VGLL2: variants seen among roughly 807,000 people sequenced by gnomAD.
VGLL2 encodes vestigial like family member 2.
VGLL2 carries 18 observed loss-of-function variants against 27.0 expected under a neutral mutation model. The ratio of observed to expected loss-of-function variants is 0.67; its 90% CI spans 0.46 to 0.99. The LOEUF (loss-of-function observed/expected upper bound fraction) is 0.99, where lower values mean the gene tolerates loss of function less well. Ranked by LOEUF, VGLL2 falls within the 50% of genes least tolerant of loss-of-function variation. The pLI, the probability that VGLL2 is intolerant of heterozygous loss-of-function variation, is 0.00. For missense variants in VGLL2, 491 were observed against 452.3 expected, an observed-to-expected ratio of 1.09 and a Z score of -0.78; for synonymous variants, 220 against 201.1, an observed-to-expected ratio of 1.09 and a Z score of -0.80.
chr6:117,265,783 T>C lies in VGLL2; in HGVS notation c.20T>C (p.Met7Thr), dbSNP rs998059585. 6.2e-7 allele frequency: 1 copy of C among 1,614,134 alleles called. No individual in the cohort carries two copies. Among genetic ancestry groups the C allele is most frequent in the South Asian group, 1.1e-5 (1 of 91,078 alleles). Reference sequence around the variant, plus strand: ...AGAGTCATGAGCTGTCTGGATGTTATGTACCAAGTCTATGGTCCTCCGCAG... The same window carrying C: ...AGAGTCATGAGCTGTCTGGATGTTACGTACCAAGTCTATGGTCCTCCGCAG... MSCLDVMYQVYGPPQPY... is the reference protein window; with the variant it reads MSCLDVTYQVYGPPQPY... Residue 7 changes from methionine to threonine, a missense_variant, in exon 1 of 4, where the codon ATG (methionine) becomes ACG (threonine). Met to Thr is a moderately conservative substitution (Grantham distance 81, BLOSUM62 -1). Coordinates refer to ENST00000326274, the MANE Select transcript of VGLL2 (RefSeq NM_182645.3).
chr6:117,272,439 G>C lies in VGLL2; in HGVS notation c.914-15G>C. 2 of 1,614,166 alleles carry C rather than the reference G, an allele frequency of 1.2e-6. No individual in the cohort carries two copies. The highest frequency in any genetic ancestry group is 8.5e-7 in the Non-Finnish European group (1 of 1,180,022). On this transcript the variant is annotated splice_polypyrimidine_tract_variant and intron_variant, in intron 3 of 3. Transcript: ENST00000326274. ...ATGGAGTGGGTTTGTAACAGCTTCT[G>C]ATCTTGGTTTGCAGCTCGTCGTTAT... is the stretch of plus-strand genomic sequence containing the variant.
rs561667108 is a variant in VGLL2 at position 117,267,707 on chromosome 6, G to A, written c.82-475G>A. On this transcript the variant is annotated intron_variant, in intron 1 of 3. Transcript: ENST00000326274. ...TTGTAGGGGTAGGGGGTTGCCCCCCGCTCCTATTTCATCAGGAGGATGTTT... is the reference window on the plus strand; with the variant it reads ...TTGTAGGGGTAGGGGGTTGCCCCCCACTCCTATTTCATCAGGAGGATGTTT... Among the ~76,000 whole-genome samples, 41 of 152,302 alleles carry A rather than the reference G, an allele frequency of 2.7e-4. No homozygotes were observed. In the South Asian group the frequency reaches 3.1e-3, roughly 12 times the overall value.
chr6:117,265,887 C>T (rs1299975132), intron 1 of VGLL2, 43 bp downstream of exon 1: 1 of 1,575,580 alleles, frequency 6.3e-7, no homozygotes, highest in East Asian at 2.2e-5. Flanking sequence ...GTGCGCGCCC[C>T]CCGTTTGCGG....
At chr6:117,272,312 T>C in intron 3 of VGLL2, 142 bp from the exon 4 acceptor site, 3 of 1,513,380 alleles carry the variant, frequency 2.0e-6, no homozygotes, top group Non-Finnish European at 2.7e-6. Flanking sequence ...TTTTCAGGTT[T>C]GCAGCCTCAG....
intron 1 of VGLL2, 70 bp downstream of exon 1, chr6:117,265,914 C>G: frequency 3.6e-6 from 5 of 1,393,292 alleles, no homozygotes; most frequent in Non-Finnish European, 5.1e-6. Flanking sequence ...GGCCTGTACG[C>G]CAAGGTCTGC....
Position 117,272,636 on chromosome 6 carries a change from C to G in VGLL2, c.*142C>G. 8.7e-7 allele frequency: 1 copy of G among 1,151,376 alleles called. No individual in the cohort carries two copies. The highest frequency in any genetic ancestry group is 1.6e-5 in the African/African-American group (1 of 64,202). The allele number at this position is 1,151,376 out of a possible 1,614,324, so 71.3% of individuals were successfully genotyped here. On this transcript the variant is annotated 3_prime_UTR_variant, in exon 4 of 4. Coordinates refer to ENST00000326274, the MANE Select transcript of VGLL2 (RefSeq NM_182645.3). ...TCAGTGTGTTGGGAAAACCAAAAAC[C>G]ACAACTACAGAAATTCATCTAAAAA...
At position 117,272,571 on chromosome 6, in the gene VGLL2, G is replaced by T. The variant is rs1773224601; in HGVS notation, c.*77G>T. ...GCTCAGCATCTGTGCCTCTCACTCCGTGGATGAGGACATGGGGGAAGGCAG... is the reference window on the plus strand; with the variant it reads ...GCTCAGCATCTGTGCCTCTCACTCCTTGGATGAGGACATGGGGGAAGGCAG... On this transcript the variant is annotated 3_prime_UTR_variant, in exon 4 of 4. Transcript: ENST00000326274. 17 of 1,606,180 alleles carry T rather than the reference G, an allele frequency of 1.1e-5. No individual in the cohort carries two copies. The highest frequency in any genetic ancestry group is 1.4e-5 in the Non-Finnish European group (17 of 1,174,756).
chr6:117,272,313 G>A, intron 3 of VGLL2, 141 bp from the exon 4 acceptor site: 1 of 1,455,944 alleles, frequency 6.9e-7, no homozygotes. Flanking sequence ...TTTCAGGTTT[G>A]CAGCCTCAGG....
intron 2 of VGLL2, 50 bp from the exon 3 acceptor site, chr6:117,270,493 C>A (rs370056899): frequency 2.2e-5 from 33 of 1,522,704 alleles, no homozygotes; most frequent in Non-Finnish European, 2.6e-5. Context: ...GCCGCAGTGA[C>A]ACGCACCTCT....
chr6:117,271,054 C>T lies in VGLL2; in HGVS notation c.903C>T (p.Ser301=). 1 of 1,227,056 alleles carries T rather than the reference C, an allele frequency of 8.1e-7. No individual in the cohort carries two copies. The highest frequency in any genetic ancestry group is 1.0e-6 in the Non-Finnish European group (1 of 985,862). 76.0% of individuals were successfully genotyped at this position (1,227,056 alleles called of 1,614,324 possible). A position where few individuals can be genotyped will look rare whatever the true frequency, so the allele number is the denominator to read the frequency against. Residue 301 remains serine (S), a synonymous_variant, in exon 3 of 4, where the codon AGC becomes AGT. Transcript: ENST00000326274. ...ACGTGGCCCAGGGTCTGGGCCTCAG[C>T]GTGGACTCAGGTAAGCAGAGGAAGA... ...SGDVAQGLGL[S]VDSARRYSLC... is the part of the protein sequence containing the mutation.
In VGLL2 at chr6:117,265,562, C is replaced by G; in HGVS notation, c.-202C>G. 1.9e-6 allele frequency: 1 copy of G among 527,928 alleles called. No individual in the cohort carries two copies. Among genetic ancestry groups the G allele is most frequent in the Non-Finnish European group, 3.5e-6 (1 of 289,822 alleles). 32.7% of individuals were successfully genotyped at this position (527,928 alleles called of 1,614,324 possible). ...CCCACTAGCGGGAGCTCAGGCGCTT[C>G]TGCCCTGGAGCGCGGTCGGGAGTAA... On this transcript the variant is annotated 5_prime_UTR_variant, in exon 1 of 4. Transcript: ENST00000326274.
Position 117,272,559 on chromosome 6 carries a change from G to A in VGLL2, c.*65G>A, listed in dbSNP as rs1198725691. 3.1e-6 allele frequency: 5 copies of A among 1,611,474 alleles called. No homozygotes were observed. The African/African-American group carries it at 5.3e-5, about 17-fold the overall frequency. On this transcript the variant is annotated 3_prime_UTR_variant, in exon 4 of 4. Coordinates refer to ENST00000326274, the MANE Select transcript of VGLL2 (RefSeq NM_182645.3). The stretch of plus-strand genomic sequence containing the variant: ...CCAGCCTTGGAGGCTCAGCATCTGT[G>A]CCTCTCACTCCGTGGATGAGGACAT...
rs1022031891 is a variant in VGLL2, at chr6:117,271,656, A to G, written c.913+592A>G. On this transcript the variant is annotated intron_variant, in intron 3 of 3. Coordinates refer to ENST00000326274, the MANE Select transcript of VGLL2 (RefSeq NM_182645.3). ...ATTTAGAATTATGCTTATGGCTCCC[A>G]TTGTATTTCTATTGGACAGCGGTGA... is the stretch of plus-strand genomic sequence containing the variant. 9.2e-5 allele frequency among the ~76,000 whole-genome samples: 14 copies of G among 152,276 alleles called. No homozygotes were observed. In the South Asian group the frequency reaches 1.0e-3, roughly 11 times the overall value.
At chr6:117,267,215 TCGGGCCG>T (rs1390867456) in intron 1 of VGLL2, among the ~76,000 whole-genome samples, 1 of 152,166 alleles carries the variant, frequency 6.6e-6, no homozygotes. Context: ...TTTGTATGAC[TCGGGCCG>T]CCTCTTCAAG....
Position 117,270,544 on chromosome 6 carries a change from C to T in VGLL2, c.393C>T (p.Asp131=), listed in dbSNP as rs1373105529. The change falls in exon 3 of 4, where the codon GAC becomes GAT. Residue 131 remains aspartate, a splice_region_variant and synonymous_variant. Transcript: ENST00000326274. ...TCCGCCTCCCCGGCCGGCCTACAGA[C>T]TGCTCCTTCCCGATGAGCCAGCGCA... The part of the protein sequence containing the change: ...KAPRSSGPWR[D]CSFPMSQRSF... 2 of 1,595,740 alleles carry T rather than the reference C, an allele frequency of 1.3e-6. No homozygotes were observed. Among genetic ancestry groups the T allele is most frequent in the Non-Finnish European group, 1.7e-6 (2 of 1,172,478 alleles).
In VGLL2 at chr6:117,272,637, A is replaced by C; in HGVS notation, c.*143A>C. On this transcript the variant is annotated 3_prime_UTR_variant, in exon 4 of 4. Transcript: ENST00000326274. ...CAGTGTGTTGGGAAAACCAAAAACC[A>C]CAACTACAGAAATTCATCTAAAAAT... 8.8e-7 allele frequency: 1 copy of C among 1,132,354 alleles called. No homozygotes were observed. The allele number at this position is 1,132,354 out of a possible 1,614,324, so 70.1% of individuals were successfully genotyped here. A position where few individuals can be genotyped will look rare whatever the true frequency, so the allele number is the denominator to read the frequency against.
At chr6:117,265,936 G>A in intron 1 of VGLL2, 92 bp downstream of exon 1, 1 of 1,192,940 alleles carries the variant, frequency 8.4e-7, no homozygotes, top group East Asian at 2.5e-5. Flanking sequence ...GTGCCTCCGC[G>A]CGTCTCGGGC....
At position 117,265,733 on chromosome 6, in the gene VGLL2, A is replaced by G. The variant is rs747548621; in HGVS notation, c.-31A>G. On this transcript the variant is annotated 5_prime_UTR_variant, in exon 1 of 4. Coordinates refer to ENST00000326274, the MANE Select transcript of VGLL2 (RefSeq NM_182645.3). ...CTCCGGGGAAGGAGAGTTAATGAAA[A>G]AACACTTAACCGTCTCCGCTGCGGA... The G allele has an allele frequency of 1.2e-6, 2 of 1,603,470 alleles. No homozygotes were observed. The highest frequency in any genetic ancestry group is 1.7e-6 in the Non-Finnish European group (2 of 1,170,522).
In VGLL2 at chr6:117,265,710, C is replaced by T. The variant is rs186754111; in HGVS notation, c.-54C>T. Reference sequence around the variant, plus strand: ...GCCGCCCATGCAGCACCCCTGAGCTCCGGGGAAGGAGAGTTAATGAAAAAA... The same window carrying T: ...GCCGCCCATGCAGCACCCCTGAGCTTCGGGGAAGGAGAGTTAATGAAAAAA... On this transcript the variant is annotated 5_prime_UTR_variant, in exon 1 of 4. Coordinates refer to ENST00000326274, the MANE Select transcript of VGLL2 (RefSeq NM_182645.3). The T allele has an allele frequency of 6.5e-7, 1 of 1,532,290 alleles. No homozygotes were observed. The highest frequency in any genetic ancestry group is 1.4e-5 in the African/African-American group (1 of 73,374). The allele number at this position is 1,532,290 out of a possible 1,614,324, so 94.9% of individuals were successfully genotyped here.
Sources: allele counts gnomAD v4.1 joint callset (sites outside exome capture counted in the v4.1 genomes callset), GRCh38; gene constraint gnomAD v4.1.1; transcripts MANE v1.5; gene names NCBI Gene and HGNC (gene_info 2026-07-23, HGNC 2026-07-21).